Variants in ZNF277 observed in about 807,000 individuals in gnomAD.
The protein encoded by ZNF277 is nuclear receptor-interacting factor 4.
A neutral mutation model predicts 60.7 loss-of-function variants in ZNF277; 55 were observed. The ratio of observed to expected loss-of-function variants is 0.91; its 90% confidence interval spans 0.73 to 1.13. The LOEUF (loss-of-function observed/expected upper bound fraction) is 1.13. Among genes scored for constraint, ZNF277 ranks in the 50% most tolerant of loss-of-function variants. ZNF277 has a pLI of 0.00. For missense variants in ZNF277, 510 were observed against 523.0 expected, an observed-to-expected ratio of 0.98 and a Z score of 0.24; for synonymous variants, 178 against 179.3, an observed-to-expected ratio of 0.99 and a Z score of 0.06.
chr7:112,238,007 G>C (rs763890268), intron 1 of ZNF277, among the ~76,000 whole-genome samples: 3 of 152,132 alleles, frequency 2.0e-5, no homozygotes, highest in Non-Finnish European at 4.4e-5. Flanking sequence ...GAGGAAGATG[G>C]ATGAATAGAC....
intron 1 of ZNF277, among the ~76,000 whole-genome samples, chr7:112,279,151 T>C (rs1791886127): frequency 2.0e-5 from 3 of 152,244 alleles, no homozygotes; most frequent in Non-Finnish European, 4.4e-5. Flanking sequence ...AATGCTTCAA[T>C]GAATATAAAA....
Position 112,342,559 on chromosome 7 carries a change from A to G in ZNF277, c.1185-2A>G. 1.9e-6 allele frequency: 3 copies of G among 1,602,142 alleles called. No individual in the cohort carries two copies. The highest frequency in any genetic ancestry group is 2.6e-6 in the Non-Finnish European group (3 of 1,174,396). The stretch of plus-strand genomic sequence containing the variant: ...ATACTATGTATCTGTGGTTGTTTTC[A>G]GGTATTATTTTCCAACCTATGAAAA... On this transcript the variant is annotated splice_acceptor_variant, in intron 11 of 11. Coordinates refer to ENST00000361822, the MANE Select transcript of ZNF277 (RefSeq NM_021994.3). LOFTEE classifies it high-confidence loss of function.
At chr7:112,321,962 C>CTTGG (rs2117117892) in intron 5 of ZNF277, among the ~76,000 whole-genome samples, 1 of 151,930 alleles carries the variant, frequency 6.6e-6, no homozygotes, top group African/African-American at 2.4e-5. Context: ...TCTCTTATCT[C>CTTGG]TTGGTAAGAA....
chr7:112,270,840 A>G (rs1327285919), intron 1 of ZNF277, among the ~76,000 whole-genome samples: 2 of 152,202 alleles, frequency 1.3e-5, no homozygotes, highest in Admixed American at 1.3e-4. Context: ...TCATTAGAAC[A>G]GTGGTTTGTG....
intron 1 of ZNF277, among the ~76,000 whole-genome samples, chr7:112,262,540 T>C (rs559864585): frequency 6.6e-6 from 1 of 152,118 alleles, no homozygotes; most frequent in Non-Finnish European, 1.5e-5. Context: ...ATTTTCTGTA[T>C]TGATATATTA....
intron 1 of ZNF277, among the ~76,000 whole-genome samples, chr7:112,260,854 T>G (rs1281817730): frequency 6.6e-6 from 1 of 152,204 alleles, no homozygotes; most frequent in African/African-American, 2.4e-5. Context: ...AATAAAGCAT[T>G]GAGTGATTGT....
At chr7:112,243,420 C>G (rs1791005708) in intron 1 of ZNF277, among the ~76,000 whole-genome samples, 1 of 149,590 alleles carries the variant, frequency 6.7e-6, no homozygotes, top group Admixed American at 6.7e-5. Context: ...AAAATACTTG[C>G]AAACTGTGTA....
At chr7:112,328,166 T>TC (rs1793141781) in intron 6 of ZNF277, 2 of 162,972 alleles carry the variant, frequency 1.2e-5, no homozygotes, top group African/African-American at 4.8e-5. Context: ...CATTAGTATT[T>TC]CCCCAGAAAC....
chr7:112,291,474 C>G (rs929161374), intron 2 of ZNF277, among the ~76,000 whole-genome samples: 4 of 152,104 alleles, frequency 2.6e-5, no homozygotes, highest in African/African-American at 9.7e-5. Context: ...ATAACTCATC[C>G]AAATAGAGTT....
chr7:112,257,163 G>A (rs1379985915), intron 1 of ZNF277, among the ~76,000 whole-genome samples: 2 of 152,070 alleles, frequency 1.3e-5, no homozygotes, highest in Admixed American at 6.6e-5. Context: ...ACTTGCTGAC[G>A]CCACACCGGA....
At chr7:112,297,761 C>T (rs748149334) in intron 4 of ZNF277, among the ~76,000 whole-genome samples, 1 of 152,144 alleles carries the variant, frequency 6.6e-6, no homozygotes, top group Non-Finnish European at 1.5e-5. Flanking sequence ...TTCCAATTTA[C>T]ATGAATTTTC....
chr7:112,244,214 G>A (rs1411915023), intron 1 of ZNF277, among the ~76,000 whole-genome samples: 1 of 152,076 alleles, frequency 6.6e-6, no homozygotes, highest in Non-Finnish European at 1.5e-5. Flanking sequence ...GTAACTAAAA[G>A]CTTCACTGCT....
At chr7:112,207,663 T>C (rs1821585561) in intron 1 of ZNF277, among the ~76,000 whole-genome samples, 1 of 152,086 alleles carries the variant, frequency 6.6e-6, no homozygotes, top group South Asian at 2.1e-4. Flanking sequence ...CACCCCATTT[T>C]TGTCTTGATG....
intron 1 of ZNF277, among the ~76,000 whole-genome samples, chr7:112,280,115 G>A (rs759170064): frequency 1.3e-5 from 2 of 152,112 alleles, no homozygotes; most frequent in African/African-American, 4.8e-5. Context: ...GGGAGGCTTA[G>A]CTTCAGTGCA....
Position 112,340,751 on chromosome 7 carries a change from T to A in ZNF277, c.1010-121T>A, listed in dbSNP as rs1490765445. The A allele has an allele frequency of 5.1e-6, 4 of 782,924 alleles. No homozygotes were observed. In the African/African-American group the frequency reaches 7.1e-5, roughly 14 times the overall value. 48.5% of individuals were successfully genotyped at this position (782,924 alleles called of 1,614,324 possible). On this transcript the variant is annotated intron_variant, in intron 10 of 11. Transcript: ENST00000361822. Reference sequence around the variant, plus strand: ...TTATTTGGTATCTATTATTATGCTTTATAATTGTACTGCCTCTTCAGGTTG... The same window carrying A: ...TTATTTGGTATCTATTATTATGCTTAATAATTGTACTGCCTCTTCAGGTTG...
intron 1 of ZNF277, among the ~76,000 whole-genome samples, chr7:112,284,331 C>G (rs1188106535): frequency 6.6e-6 from 1 of 152,128 alleles, no homozygotes; most frequent in African/African-American, 2.4e-5. Context: ...TAATATAGTA[C>G]TTGTTATTTC....
intron 1 of ZNF277, among the ~76,000 whole-genome samples, chr7:112,222,740 G>C (rs1460737973): frequency 6.6e-6 from 1 of 152,148 alleles, no homozygotes; most frequent in South Asian, 2.1e-4. Flanking sequence ...GGTTAATACT[G>C]AGTGTCAACT....
chr7:112,214,836 A>T (rs1821840101), intron 1 of ZNF277, among the ~76,000 whole-genome samples: 1 of 152,188 alleles, frequency 6.6e-6, no homozygotes. Context: ...AATCAGTAAA[A>T]TATGTAGAAG....
chr7:112,296,085 G>A (rs1029410612), intron 3 of ZNF277, 128 bp downstream of exon 3: 1 of 1,008,488 alleles, frequency 9.9e-7, no homozygotes, highest in East Asian at 2.5e-5. Context: ...TGTTTATTTT[G>A]CCTAACTTGA....
Sources: allele counts gnomAD v4.1 joint callset (sites outside exome capture counted in the v4.1 genomes callset), GRCh38; gene constraint gnomAD v4.1.1; transcripts MANE v1.5; gene names NCBI Gene and HGNC (gene_info 2026-07-23, HGNC 2026-07-21).